GPATCH2: variants seen among roughly 807,000 people sequenced by gnomAD.
GPATCH2 encodes the protein G-patch domain containing 2, also known as G patch domain-containing protein 2.
In GPATCH2, 51 loss-of-function variants were observed where a neutral mutation model predicts 58.0. That is an observed-to-expected ratio of 0.88 (90% CI 0.70 to 1.11). GPATCH2 has a LOEUF of 1.11. GPATCH2 is among the 50% of genes most tolerant of loss of function. The pLI is 0.00. For missense variants in GPATCH2, 625 were observed against 652.2 expected (o/e 0.96, Z 0.45); for synonymous variants, 222 against 218.5 (o/e 1.02, Z -0.14).
intron 5 of GPATCH2, among the ~76,000 whole-genome samples, chr1:217,594,215 G>A (rs1332076540): frequency 3.9e-5 from 6 of 152,000 alleles, no homozygotes; most frequent in African/African-American, 1.4e-4. Flanking sequence ...TGTGAGGCAC[G>A]AGGCAAAAAT....
intron 5 of GPATCH2, among the ~76,000 whole-genome samples, chr1:217,594,784 T>C (rs1198211449): frequency 6.6e-6 from 1 of 151,444 alleles, no homozygotes; most frequent in Non-Finnish European, 1.5e-5. Context: ...AAAAAGAAAG[T>C]GTTTGTGTGT....
intron 5 of GPATCH2, among the ~76,000 whole-genome samples, chr1:217,597,664 G>C (rs911266888): frequency 1.3e-5 from 2 of 152,094 alleles, no homozygotes; most frequent in Admixed American, 6.6e-5. Flanking sequence ...AACTAGAAAG[G>C]GGTCATTCCT....
rs576154245 is a variant in GPATCH2, at chr1:217,524,488, T to A, written c.1099-9599A>T. On this transcript the variant is annotated intron_variant, in intron 5 of 9. Coordinates refer to ENST00000366935, the MANE Select transcript of GPATCH2 (RefSeq NM_018040.5). ...GCCGGGCAGAGGCTGCAATCTCGGC[T>A]CTTTAGGAGGCCAAGGCAGGCTGCT... Among the ~76,000 whole-genome samples, 889 of 151,284 alleles carry A rather than the reference T, an allele frequency of 5.9e-3. 20 individuals carry two copies. The highest frequency in any genetic ancestry group is 0.043 in the Admixed American group (632 of 14,832).
At chr1:217,489,312 T>C (rs1661605987) in intron 8 of GPATCH2, among the ~76,000 whole-genome samples, 1 of 152,156 alleles carries the variant, frequency 6.6e-6, no homozygotes, top group African/African-American at 2.4e-5. Flanking sequence ...TTGGCAATTA[T>C]ATACTCTCTT....
chr1:217,537,637 A>G (rs1404663831), intron 5 of GPATCH2, among the ~76,000 whole-genome samples: 1 of 152,194 alleles, frequency 6.6e-6, no homozygotes, highest in African/African-American at 2.4e-5. Context: ...TATGCTAAAA[A>G]TGGTGAAACA....
intron 6 of GPATCH2, among the ~76,000 whole-genome samples, chr1:217,513,285 T>C (rs1444819345): frequency 7.9e-5 from 12 of 151,878 alleles, no homozygotes; most frequent in Admixed American, 7.2e-4. Context: ...GAGGGAGACT[T>C]TGTCTCAGGG....
intron 9 of GPATCH2, among the ~76,000 whole-genome samples, chr1:217,448,129 A>T (rs184441687): frequency 4.6e-5 from 7 of 151,646 alleles, no homozygotes; most frequent in Admixed American, 4.6e-4. Flanking sequence ...AGAGAATGTA[A>T]GTTTCACATC....
rs776458021 is a variant in GPATCH2, at chr1:217,620,315, G to A, written c.241C>T (p.Pro81Ser). 6.2e-7 allele frequency: 1 copy of A among 1,613,972 alleles called. No homozygotes were observed. Among genetic ancestry groups the A allele is most frequent in the Admixed American group, 1.7e-5 (1 of 59,990 alleles). The change falls in exon 2 of 10, where the codon CCG (proline) becomes TCG (serine). Residue 81 changes from proline (P) to serine (S), a missense_variant. Physicochemically the swap from Pro to Ser is moderately conservative, Grantham distance 74 (BLOSUM62 -1). Coordinates refer to ENST00000366935, the MANE Select transcript of GPATCH2 (RefSeq NM_018040.5). ...RKRRSYNVHH[P>S]WETGHCLSEG... ...CTTAAGCAGTGACCAGTCTCCCACG[G>A]GTGATGCACATTATACGACCTCCGT...
chr1:217,592,456 C>A (rs762197766), intron 5 of GPATCH2, among the ~76,000 whole-genome samples: 7 of 151,602 alleles, frequency 4.6e-5, no homozygotes, highest in Non-Finnish European at 7.4e-5. Context: ...AAAATGGATA[C>A]CAATATGACT....
chr1:217,445,218 A>G (rs1257355061), intron 9 of GPATCH2, among the ~76,000 whole-genome samples: 1 of 152,172 alleles, frequency 6.6e-6, no homozygotes, highest in African/African-American at 2.4e-5. Context: ...ATATTTTACT[A>G]TGACATTATT....
intron 5 of GPATCH2, among the ~76,000 whole-genome samples, chr1:217,580,105 G>C (rs1256927159): frequency 6.6e-6 from 1 of 152,048 alleles, no homozygotes; most frequent in Admixed American, 6.6e-5. Context: ...TTTCACTTAG[G>C]AATGTATTAT....
intron 5 of GPATCH2, among the ~76,000 whole-genome samples, chr1:217,604,367 T>C (rs898811449): frequency 6.6e-6 from 1 of 150,894 alleles, no homozygotes; most frequent in East Asian, 2.0e-4. Context: ...AAAGTATCAG[T>C]GTCTAATGTG....
At chr1:217,520,278 G>A (rs1246980808) in intron 5 of GPATCH2, among the ~76,000 whole-genome samples, 1 of 152,184 alleles carries the variant, frequency 6.6e-6, no homozygotes, top group Non-Finnish European at 1.5e-5. Flanking sequence ...GAATATTCAG[G>A]AAGGAAGATG....
chr1:217,469,307 C>T lies in GPATCH2; in HGVS notation c.1278-19970G>A, dbSNP rs942235356. Among the ~76,000 whole-genome samples the T allele has an allele frequency of 2.6e-5, 4 of 152,068 alleles. No homozygotes were observed. The East Asian group carries it at 5.8e-4, about 22-fold the overall frequency. On this transcript the variant is annotated intron_variant, in intron 8 of 9. Coordinates refer to ENST00000366935, the MANE Select transcript of GPATCH2 (RefSeq NM_018040.5). ...TGTCCAAGATTTGAATGCCAGAAAACATTTAAATATCAACATCTGTTGAAT... is the reference window on the plus strand; with the variant it reads ...TGTCCAAGATTTGAATGCCAGAAAATATTTAAATATCAACATCTGTTGAAT...
At chr1:217,501,068 C>T (rs1372358564) in intron 6 of GPATCH2, among the ~76,000 whole-genome samples, 2 of 152,066 alleles carry the variant, frequency 1.3e-5, no homozygotes, top group Non-Finnish European at 2.9e-5. Flanking sequence ...TTCATGTTGT[C>T]CTTTTATAGC....
At chr1:217,564,688 T>C (rs1666124680) in intron 5 of GPATCH2, among the ~76,000 whole-genome samples, 1 of 152,146 alleles carries the variant, frequency 6.6e-6, no homozygotes, top group South Asian at 2.1e-4. Context: ...GACACGAAAT[T>C]CCCCATGGCT....
intron 6 of GPATCH2, among the ~76,000 whole-genome samples, chr1:217,514,118 T>A (rs1253933808): frequency 6.6e-6 from 1 of 150,936 alleles, no homozygotes; most frequent in Non-Finnish European, 1.5e-5. Flanking sequence ...TGAGCCACCA[T>A]GCCTGGCCCC....
At chr1:217,572,004 G>GAAA (rs1666584946) in intron 5 of GPATCH2, among the ~76,000 whole-genome samples, 1 of 134,870 alleles carries the variant, frequency 7.4e-6, no homozygotes, top group Non-Finnish European at 1.6e-5. Context: ...AAGGAAAGAA[G>GAAA]GAAGGAAGGA....
chr1:217,457,732 TAGAA>T (rs1379550416), intron 8 of GPATCH2, among the ~76,000 whole-genome samples: 1 of 152,210 alleles, frequency 6.6e-6, no homozygotes, highest in Non-Finnish European at 1.5e-5. Flanking sequence ...TGGTAGTTAA[TAGAA>T]AGGTTAACTT....
Sources: allele counts gnomAD v4.1 joint callset (sites outside exome capture counted in the v4.1 genomes callset), GRCh38; gene constraint gnomAD v4.1.1; transcripts MANE v1.5; gene names NCBI Gene and HGNC (gene_info 2026-07-23, HGNC 2026-07-21).